The following CCDC169 variants were observed in gnomAD, a reference collection of about 807,000 sequenced individuals.
CCDC169 encodes the protein coiled-coil domain containing 169.
Under a neutral mutation model 36.0 loss-of-function variants are expected in CCDC169, and 30 were observed. That is an observed-to-expected ratio of 0.83 (90% CI 0.62 to 1.13). The LOEUF (loss-of-function observed/expected upper bound fraction) is 1.13, where lower values mean the gene tolerates loss of function less well. Among genes scored for constraint, CCDC169 ranks in the 50% most tolerant of loss-of-function variants. The pLI, the probability that CCDC169 is intolerant of heterozygous loss-of-function variation, is 0.00. For missense variants in CCDC169, 245 were observed against 245.9 expected (o/e 1.00, Z 0.03); for synonymous variants, 85 against 81.5 (o/e 1.04, Z -0.23).
rs577210414 is a variant in CCDC169 at position 36,231,091 on chromosome 13, C to T, written c.*102G>A. 2 of 1,445,218 alleles carry T rather than the reference C, an allele frequency of 1.4e-6. No homozygotes were observed. The highest frequency in any genetic ancestry group is 1.4e-5 in the African/African-American group (1 of 69,376). 89.5% of individuals were successfully genotyped at this position (1,445,218 alleles called of 1,614,324 possible). A position where few individuals can be genotyped will look rare whatever the true frequency, so the allele number is the denominator to read the frequency against. On this transcript the variant is annotated 3_prime_UTR_variant, in exon 8 of 8. Coordinates refer to ENST00000239859, the MANE Select transcript of CCDC169 (RefSeq NM_001144981.3). ...TAAAGAAAAATGTGGCAGTTCTTAT[C>T]TATTTTATTCCCTGAAGAAATGTGC...
chr13:36,245,949 G>C (rs1311802494), intron 7 of CCDC169, among the ~76,000 whole-genome samples: 1 of 152,246 alleles, frequency 6.6e-6, no homozygotes, highest in Middle Eastern at 3.4e-3. Context: ...CGTTAATGGT[G>C]ATCAGTGATC....
chr13:36,279,682 T>C (rs1206106816), intron 4 of CCDC169, among the ~76,000 whole-genome samples: 1 of 152,194 alleles, frequency 6.6e-6, no homozygotes, highest in Non-Finnish European at 1.5e-5. Flanking sequence ...TGGCAAACTA[T>C]AACCTAAAGA....
chr13:36,231,324 C>T, intron 7 of CCDC169, 32 bp from the exon 8 acceptor site: 1 of 1,546,880 alleles, frequency 6.5e-7, no homozygotes, highest in Non-Finnish European at 8.7e-7. Flanking sequence ...CATAATTTTT[C>T]AGTCACCATT....
chr13:36,224,713 T>C (rs1869772240), downstream of CCDC169: 1 of 152,240 alleles, frequency 6.6e-6, no homozygotes, highest in Non-Finnish European at 1.5e-5. Flanking sequence ...ATAGTCATAC[T>C]GCCCAAAGCA....
At chr13:36,241,973 G>C (rs1871880702) in intron 7 of CCDC169, among the ~76,000 whole-genome samples, 2 of 151,938 alleles carry the variant, frequency 1.3e-5, no homozygotes, top group Admixed American at 1.3e-4. Context: ...AAAATGTGTA[G>C]CACTTCCCCA....
chr13:36,268,040 A>T (rs1875554943), intron 4 of CCDC169, among the ~76,000 whole-genome samples: 1 of 152,218 alleles, frequency 6.6e-6, no homozygotes, highest in South Asian at 2.1e-4. Context: ...AGACTTCAAT[A>T]CACCACTGAC....
At chr13:36,244,571 T>C (rs924611286) in intron 7 of CCDC169, 1 of 152,168 alleles carries the variant, frequency 6.6e-6, no homozygotes, top group East Asian at 1.9e-4. Context: ...ATGTGCCTTA[T>C]GCCTTTGTTG....
intron 4 of CCDC169, among the ~76,000 whole-genome samples, chr13:36,271,678 G>A (rs1289258090): frequency 1.3e-5 from 2 of 152,168 alleles, no homozygotes; most frequent in African/African-American, 4.8e-5. Context: ...AACACCGTAT[G>A]TTCTGACTTA....
intron 7 of CCDC169, among the ~76,000 whole-genome samples, chr13:36,233,226 GAC>G (rs367755259): frequency 0.4 from 61,274 of 151,654 alleles, 13,104 homozygotes; most frequent in Non-Finnish European, 0.48. Flanking sequence ...ACTCAGCAGA[GAC>G]TTCAGTGTCC....
At chr13:36,265,197 GA>G (rs1205706986) in intron 4 of CCDC169, among the ~76,000 whole-genome samples, 1 of 152,126 alleles carries the variant, frequency 6.6e-6, no homozygotes. Context: ...TGTTTATCCA[GA>G]TTTCAGGGTA....
At chr13:36,235,484 G>T (rs966418667) in intron 7 of CCDC169, among the ~76,000 whole-genome samples, 2 of 151,738 alleles carry the variant, frequency 1.3e-5, no homozygotes, top group African/African-American at 4.8e-5. Context: ...CACTAAACCT[G>T]ATAAAGAAAA....
chr13:36,246,521 C>G (rs978747), intron 7 of CCDC169, among the ~76,000 whole-genome samples: 61,642 of 152,086 alleles, frequency 0.41, 13,273 homozygotes, highest in Non-Finnish European at 0.48. Flanking sequence ...AGTGAGAAAG[C>G]TGCAGAAGAA....
In CCDC169 at chr13:36,253,800, T is replaced by A. The variant is rs1167841162; in HGVS notation, c.468+3A>T. ...TTAGAATTTGGAAATAAAAAAGAGT[T>A]ACCTGAGACATTTCAGCTAGGTATG... On this transcript the variant is annotated splice_donor_region_variant and intron_variant, in intron 6 of 7. Transcript: ENST00000239859. 1 of 1,545,662 alleles carries A rather than the reference T, an allele frequency of 6.5e-7. No homozygotes were observed. Among genetic ancestry groups the A allele is most frequent in the African/African-American group, 1.4e-5 (1 of 72,800 alleles).
chr13:36,229,787 C>T (rs1460739918), downstream of CCDC169, among the ~76,000 whole-genome samples: 3 of 151,992 alleles, frequency 2.0e-5, no homozygotes, highest in Non-Finnish European at 4.4e-5. Context: ...AAGTGATCTG[C>T]CTGCCTTGGC....
At chr13:36,253,459 T>A (rs1419437813) in intron 6 of CCDC169, among the ~76,000 whole-genome samples, 1 of 150,262 alleles carries the variant, frequency 6.7e-6, no homozygotes, top group Admixed American at 6.7e-5. Context: ...CTGCCTCACC[T>A]CTGAGTAGCT....
chr13:36,275,428 T>C (rs1257015751), intron 4 of CCDC169, among the ~76,000 whole-genome samples: 1 of 152,160 alleles, frequency 6.6e-6, no homozygotes, highest in Non-Finnish European at 1.5e-5. Flanking sequence ...AACTAACTTT[T>C]CTGTCTGTGA....
intron 4 of CCDC169, among the ~76,000 whole-genome samples, chr13:36,267,871 T>C (rs1875536133): frequency 6.6e-6 from 1 of 152,082 alleles, no homozygotes; most frequent in African/African-American, 2.4e-5. Context: ...GGTCACTATA[T>C]AATGACAAAA....
chr13:36,287,306 G>A (rs1184096799), intron 2 of CCDC169, among the ~76,000 whole-genome samples: 3 of 151,902 alleles, frequency 2.0e-5, no homozygotes, highest in Non-Finnish European at 2.9e-5. Flanking sequence ...GGGTAAAAGC[G>A]GTTTAAAAAA....
chr13:36,289,248 CCT>C lies in CCDC169; in HGVS notation c.164-5548_164-5547del, dbSNP rs534052664. On this transcript the variant is annotated intron_variant, in intron 2 of 7. Transcript: ENST00000239859. ...CTCACTGCTTTCAGCTTTTTCTCCC[CCT>C]GAGAAGGTCTGAGATGACAGCTCTC... 3.3e-5 allele frequency among the ~76,000 whole-genome samples: 5 copies of C among 152,258 alleles called. No individual in the cohort carries two copies. In the South Asian group the frequency reaches 6.2e-4, roughly 19 times the overall value.
Sources: gnomAD v4.1 joint callset for allele counts (sites outside exome capture counted in the v4.1 genomes callset) on GRCh38, gnomAD v4.1.1 for gene constraint, MANE v1.5 for transcripts, NCBI Gene and HGNC (gene_info 2026-07-23, HGNC 2026-07-21) for gene names.